Variants in PCDHGC5 observed in about 807,000 individuals in gnomAD.
The protein encoded by PCDHGC5 is protocadherin gamma subfamily C, 5, also known as protocadherin gamma-C5.
PCDHGC5 carries 25 observed loss-of-function variants against 59.0 expected under a neutral mutation model. That is an observed-to-expected ratio of 0.42 (90% CI 0.31 to 0.59). The LOEUF is 0.59. Among genes scored for constraint, PCDHGC5 ranks in the 20% least tolerant of loss-of-function variants. The pLI, the probability that PCDHGC5 is intolerant of heterozygous loss-of-function variation, is 0.13. For missense variants in PCDHGC5, 1,067 were observed against 1,206.4 expected, an observed-to-expected ratio of 0.88 and a Z score of 1.71; for synonymous variants, 434 against 505.5, an observed-to-expected ratio of 0.86 and a Z score of 1.90.
At chr5:141,500,452 G>C (rs554196222) in intron 2 of PCDHGC5, among the ~76,000 whole-genome samples, 1 of 151,506 alleles carries the variant, frequency 6.6e-6, no homozygotes, top group South Asian at 2.1e-4. Context: ...CTCGTGATCC[G>C]CCCGCCTCGG....
Position 141,496,029 on chromosome 5 carries a change from C to T in PCDHGC5, c.2519+1164C>T, listed in dbSNP as rs548231443. ...TTGTCTTTTTTCTCTGAGCCTCTGTCTCTGTCTCTCATTTTTTTGTGCTTG... is the reference window on the plus strand; with the variant it reads ...TTGTCTTTTTTCTCTGAGCCTCTGTTTCTGTCTCTCATTTTTTTGTGCTTG... On this transcript the variant is annotated intron_variant, in intron 2 of 3. Coordinates refer to ENST00000252087, the MANE Select transcript of PCDHGC5 (RefSeq NM_018929.3). Among the ~76,000 whole-genome samples, 3 of 152,088 alleles carry T rather than the reference C, an allele frequency of 2.0e-5. No individual in the cohort carries two copies. In the East Asian group the frequency reaches 5.8e-4, roughly 29 times the overall value.
intron 3 of PCDHGC5, among the ~76,000 whole-genome samples, chr5:141,508,646 G>A (rs1434098773): frequency 2.6e-5 from 4 of 152,014 alleles, no homozygotes; most frequent in African/African-American, 9.7e-5. Flanking sequence ...ACTCCGTCAG[G>A]CCCTTCCTGT....
chr5:141,494,882 C>T lies in PCDHGC5; in HGVS notation c.2519+17C>T, dbSNP rs771484301. On this transcript the variant is annotated intron_variant, in intron 2 of 3. Transcript: ENST00000252087. ...CACCAGCGGGTAGGTGACTGATTCT[C>T]CAGCCCACCCTCTTCTCTGCGGCAT... is the stretch of plus-strand genomic sequence containing the variant. 35 of 1,614,128 alleles carry T rather than the reference C, an allele frequency of 2.2e-5. No homozygotes were observed. The highest frequency in any genetic ancestry group is 3.3e-4 in the Middle Eastern group (2 of 6,060).
intron 2 of PCDHGC5, among the ~76,000 whole-genome samples, chr5:141,503,950 C>T (rs1216385793): frequency 3.3e-5 from 5 of 152,180 alleles, no homozygotes; most frequent in Non-Finnish European, 7.3e-5. Flanking sequence ...CAAGGCCTAC[C>T]CTACAGCCTT....
intron 2 of PCDHGC5, among the ~76,000 whole-genome samples, chr5:141,504,563 C>G (rs1036149640): frequency 3.3e-5 from 5 of 149,436 alleles, no homozygotes; most frequent in African/African-American, 1.2e-4. Context: ...GACTGGCATT[C>G]TAGGGAACAC....
intron 3 of PCDHGC5, among the ~76,000 whole-genome samples, chr5:141,509,422 G>A (rs1181133903): frequency 3.3e-5 from 5 of 152,136 alleles, no homozygotes; most frequent in Non-Finnish European, 5.9e-5. Flanking sequence ...GCCCCAATGA[G>A]TCAAACTCTT....
rs369206085 is a variant in PCDHGC5 at position 141,490,515 on chromosome 5, G to A, written c.1275G>A (p.Leu425=). The change falls in exon 1 of 4, where the codon CTG becomes CTA. Residue 425 remains leucine (L), a synonymous_variant. Transcript: ENST00000252087. The surrounding 1 kb of genome is among the most constrained non-coding windows in gnomAD (Gnocchi z 5.4). ...CATCCCACTATATCATCGAGCTGCT[G>A]GCCAGCGATGCTGGTTCACCTTCCC... The part of the protein sequence containing the change: ...EATSHYIIEL[L]ASDAGSPSLH... The A allele has an allele frequency of 2.3e-5, 37 of 1,613,840 alleles. No individual in the cohort carries two copies. In the Middle Eastern group the frequency reaches 1.2e-3, roughly 50 times the overall value.
At chr5:141,499,689 CTTT>C (rs545067566) in intron 2 of PCDHGC5, among the ~76,000 whole-genome samples, 2 of 119,848 alleles carry the variant, frequency 1.7e-5, no homozygotes, top group African/African-American at 3.1e-5. Context: ...TAACAGATGA[CTTT>C]TTTTTTTTTT....
chr5:141,489,342 A>G lies in PCDHGC5; in HGVS notation c.102A>G (p.Ser34=). 3.7e-6 allele frequency: 6 copies of G among 1,609,084 alleles called. No homozygotes were observed. The Middle Eastern group carries it at 6.6e-4, about 178-fold the overall frequency. Residue 34 remains serine (S), a synonymous_variant, in exon 1 of 4, where the codon TCA becomes TCG. Transcript: ENST00000252087. The surrounding 1 kb of genome is among the most constrained non-coding windows in gnomAD (Gnocchi z 4.5). ...WGWVSGQLRY[S]VVEESEPGTL... is the part of the protein sequence containing the mutation. ...GGGTGTCTGGGCAGCTTCGTTACTCAGTGGTGGAGGAGTCTGAGCCGGGGA... is the reference window on the plus strand; with the variant it reads ...GGGTGTCTGGGCAGCTTCGTTACTCGGTGGTGGAGGAGTCTGAGCCGGGGA...
chr5:141,489,380 A>T lies in PCDHGC5; in HGVS notation c.140A>T (p.Asn47Ile), dbSNP rs753226956. 1 of 1,613,874 alleles carries T rather than the reference A, an allele frequency of 6.2e-7. No homozygotes were observed. The highest frequency in any genetic ancestry group is 2.2e-5 in the East Asian group (1 of 44,872). Residue 47 changes from asparagine (N) to isoleucine (I), a missense_variant, in exon 1 of 4, where the codon AAT becomes ATT. Transcript: ENST00000252087. The surrounding 1 kb of genome is among the most constrained non-coding windows in gnomAD (Gnocchi z 4.5). ...EESEPGTLVG[N>I]VAQDLGLKMT... ...TCTGAGCCGGGGACGCTGGTGGGGA[A>T]TGTTGCTCAGGATCTGGGCTTAAAG... is the stretch of plus-strand genomic sequence containing the variant.
In PCDHGC5 at chr5:141,511,406, G is replaced by C; in HGVS notation, c.*233G>C. The C allele has an allele frequency of 1.1e-6, 1 of 942,018 alleles. No individual in the cohort carries two copies. The highest frequency in any genetic ancestry group is 1.7e-5 in the African/African-American group (1 of 60,280). The allele number at this position is 942,018 out of a possible 1,614,324, so 58.4% of individuals were successfully genotyped here. ...GCTGGGAACCCCCATCCAATCAACT[G>C]CTGTACCCATGGGGGTAGTGGGGTT... On this transcript the variant is annotated 3_prime_UTR_variant, in exon 4 of 4. Coordinates refer to ENST00000252087, the MANE Select transcript of PCDHGC5 (RefSeq NM_018929.3).
At chr5:141,510,917 C>G in intron 3 of PCDHGC5, 30 bp from the exon 4 acceptor site, 1 of 1,613,854 alleles carries the variant, frequency 6.2e-7, no homozygotes, top group Non-Finnish European at 8.5e-7. Flanking sequence ...CTAAGTTTAG[C>G]TCCCACCTGA....
rs765318875 is a variant in PCDHGC5 at position 141,489,896 on chromosome 5, C to A, written c.656C>A (p.Thr219Asn). The change falls in exon 1 of 4, where the codon ACC becomes AAC. Residue 219 changes from threonine to asparagine, a missense_variant. Physicochemically the swap from Thr to Asn is moderately conservative, Grantham distance 65. Coordinates refer to ENST00000252087, the MANE Select transcript of PCDHGC5 (RefSeq NM_018929.3). This position sits in a 1 kb window ranked among gnomAD's most constrained non-coding sequence, Gnocchi z 4.5. ...QLVLTAVDGG[T>N]PARSGTTLIS... ...GTGCTTACTGCTGTGGATGGGGGGA[C>A]CCCAGCCCGCTCAGGGACCACCCTT... 5 of 1,614,062 alleles carry A rather than the reference C, an allele frequency of 3.1e-6. No homozygotes were observed.
rs549557253 is a variant in PCDHGC5 at position 141,503,310 on chromosome 5, T to C, written c.2520-2083T>C. 2.6e-5 allele frequency among the ~76,000 whole-genome samples: 4 copies of C among 152,176 alleles called. No homozygotes were observed. The East Asian group carries it at 7.7e-4, about 29-fold the overall frequency. On this transcript the variant is annotated intron_variant, in intron 2 of 3. Coordinates refer to ENST00000252087, the MANE Select transcript of PCDHGC5 (RefSeq NM_018929.3). ...TACATAGAAATTGCTCAAGAAAGAA[T>C]TGTTGGAGGGGCGCGGTGGCTCACG...
At chr5:141,494,979 T>C in intron 2 of PCDHGC5, 114 bp downstream of exon 2, 1 of 1,571,464 alleles carries the variant, frequency 6.4e-7, no homozygotes, top group Admixed American at 1.8e-5. Flanking sequence ...TCCCTCAGTT[T>C]GAGATCCCAG....
chr5:141,502,679 T>C (rs943238781), intron 2 of PCDHGC5, among the ~76,000 whole-genome samples: 1 of 152,236 alleles, frequency 6.6e-6, no homozygotes, highest in Non-Finnish European at 1.5e-5. Flanking sequence ...TAGTATTCCC[T>C]GATGATCCTT....
chr5:141,497,122 G>A (rs1407489807), intron 2 of PCDHGC5, among the ~76,000 whole-genome samples: 1 of 151,992 alleles, frequency 6.6e-6, no homozygotes, highest in East Asian at 1.9e-4. Flanking sequence ...GAAGGCAGAG[G>A]TTGCAGTGAG....
intron 1 of PCDHGC5, among the ~76,000 whole-genome samples, chr5:141,492,782 C>T (rs2099743868): frequency 6.6e-6 from 1 of 152,258 alleles, no homozygotes; most frequent in Non-Finnish European, 1.5e-5. Context: ...GAGTGAGCCT[C>T]TATAGGACAG....
chr5:141,505,418 A>T lies in PCDHGC5; in HGVS notation c.2545A>T (p.Thr849Ser). 1 of 1,614,186 alleles carries T rather than the reference A, an allele frequency of 6.2e-7. No homozygotes were observed. Among genetic ancestry groups the T allele is most frequent in the East Asian group, 2.2e-5 (1 of 44,876 alleles). The change falls in exon 3 of 4, where the codon ACC becomes TCC. Residue 849 changes from threonine to serine, a missense_variant. By Grantham distance (58) the Thr-to-Ser change is moderately conservative. Coordinates refer to ENST00000252087, the MANE Select transcript of PCDHGC5 (RefSeq NM_018929.3). ...SGSQNGDDTG[T>S]WPNNQFDTEM... ...CTCCCAAAATGGCGATGACACCGGC[A>T]CCTGGCCCAACAACCAGTTTGACAC...
Sources: allele counts gnomAD v4.1 joint callset (sites outside exome capture counted in the v4.1 genomes callset), GRCh38; gene constraint gnomAD v4.1.1; non-coding constraint Gnocchi (gnomAD v3.1); transcripts MANE v1.5; gene names NCBI Gene and HGNC (gene_info 2026-07-23, HGNC 2026-07-21).